The following MATR3 variants were observed in gnomAD, a reference collection of about 807,000 sequenced individuals.
MATR3 encodes the protein matrin-3.
A neutral mutation model predicts 85.5 loss-of-function variants in MATR3; 4 were observed. The observed-to-expected ratio is 0.05, with a 90% CI of 0.02 to 0.11. The LOEUF (loss-of-function observed/expected upper bound fraction) is 0.11, where lower values mean the gene tolerates loss of function less well. Among genes scored for constraint, MATR3 ranks in the 10% least tolerant of loss-of-function variants. The probability of loss-of-function intolerance (pLI) is 1.00; values close to 1 mark genes in which losing one functional copy is unlikely to be tolerated. For synonymous variants in MATR3, 336 were observed against 343.1 expected, an observed-to-expected ratio of 0.98 and a Z score of 0.23; for missense variants, 685 against 1,016.1, an observed-to-expected ratio of 0.67 and a Z score of 4.43.
chr5:139,280,739 A>C (rs898595283), intron 3 of MATR3: 1 of 152,232 alleles, frequency 6.6e-6, no homozygotes, highest in African/African-American at 2.4e-5. Context: ...TTTAAATCTG[A>C]GGCCTCAAGT....
At chr5:139,298,452 A>G (rs188877713) in intron 1 of MATR3, among the ~76,000 whole-genome samples, 212 of 152,282 alleles carry the variant, frequency 1.4e-3, no homozygotes, top group African/African-American at 5.1e-3. Flanking sequence ...CGTTCCTGTA[A>G]TTCCAGCTGT....
At chr5:139,311,950 A>G (rs1755005633) in intron 2 of MATR3, 1 of 151,012 alleles carries the variant, frequency 6.6e-6, no homozygotes, top group Non-Finnish European at 1.5e-5. Flanking sequence ...TTGTATTTTT[A>G]GTAGAGACGG....
At position 139,324,570 on chromosome 5, in the gene MATR3, A is replaced by G. The variant is rs562290885; in HGVS notation, c.2149-870A>G. ...CAGCCTCCCAAAGTGCTGGAATTAC[A>G]GGTGTGAGCCACCATGCCTGGCCCA... On this transcript the variant is annotated intron_variant, in intron 12 of 14. Coordinates refer to ENST00000394805, the MANE Select transcript of MATR3 (RefSeq NM_018834.6). 3.9e-5 allele frequency among the ~76,000 whole-genome samples: 6 copies of G among 152,260 alleles called. No homozygotes were observed. In the South Asian group the frequency reaches 1.2e-3, roughly 32 times the overall value.
At chr5:139,325,720 G>A (rs543130275) in intron 13 of MATR3, 58 bp downstream of exon 13, 4 of 1,464,344 alleles carry the variant, frequency 2.7e-6, no homozygotes, top group South Asian at 1.2e-5. Context: ...AAACTCTTAG[G>A]TTTTAAAATA....
chr5:139,329,919 C>T lies in MATR3; in HGVS notation c.*524C>T, dbSNP rs1285047292. 4.4e-6 allele frequency: 2 copies of T among 454,460 alleles called. No individual in the cohort carries two copies. Among genetic ancestry groups the T allele is most frequent in the South Asian group, 1.6e-5 (1 of 64,464 alleles). 28.2% of individuals were successfully genotyped at this position (454,460 alleles called of 1,614,324 possible). On this transcript the variant is annotated 3_prime_UTR_variant, in exon 15 of 15. Coordinates refer to ENST00000394805, the MANE Select transcript of MATR3 (RefSeq NM_018834.6). ...GAGATTGGCAATTGAAATGCAGGTG[C>T]AGTTTTCTGTTAATGTCATGCTGTT...
Position 139,319,184 on chromosome 5 carries a change from T to C in MATR3, c.1435-150T>C, listed in dbSNP as rs1382438966. The stretch of plus-strand genomic sequence containing the variant: ...TGGGAGGCCAAGGTCAGAAGGATTA[T>C]GTGAGGCCCAGGAGTTCCAGGCAAG... On this transcript the variant is annotated intron_variant, in intron 8 of 14. Transcript: ENST00000394805. 19 of 1,240,994 alleles carry C rather than the reference T, an allele frequency of 1.5e-5. No individual in the cohort carries two copies. The East Asian group carries it at 4.7e-4, about 31-fold the overall frequency. 76.9% of individuals were successfully genotyped at this position (1,240,994 alleles called of 1,614,324 possible).
rs573789149 is a variant in MATR3, at chr5:139,324,207, T to C, written c.2149-1233T>C. ...TCCATAAATGAGGAAAATTGAAATA[T>C]GGAGAAGTTAAATAATCCCATACTG... On this transcript the variant is annotated intron_variant, in intron 12 of 14. Transcript: ENST00000394805. 6.6e-5 allele frequency among the ~76,000 whole-genome samples: 10 copies of C among 151,862 alleles called. No individual in the cohort carries two copies. The South Asian group carries it at 1.9e-3, about 28-fold the overall frequency.
At chr5:139,274,998 C>T (rs969545872) in intron 1 of MATR3, among the ~76,000 whole-genome samples, 6 of 151,148 alleles carry the variant, frequency 4.0e-5, no homozygotes, top group African/African-American at 1.5e-4. Flanking sequence ...TTTTTTTTAA[C>T]GGAGTCTTGC....
chr5:139,318,825 AT>A, intron 7 of MATR3, 82 bp from the exon 8 acceptor site: 1 of 1,337,614 alleles, frequency 7.5e-7, no homozygotes, highest in Admixed American at 1.7e-5. Context: ...GGGCATTGTT[AT>A]TTTTTAGGAA....
chr5:139,321,940 G>A lies in MATR3; in HGVS notation c.1645G>A (p.Val549Ile). The A allele has an allele frequency of 6.2e-7, 1 of 1,613,974 alleles. No individual in the cohort carries two copies. The highest frequency in any genetic ancestry group is 8.5e-7 in the Non-Finnish European group (1 of 1,179,930). The change falls in exon 10 of 15, where the codon GTT becomes ATT. Residue 549 changes from valine to isoleucine, a missense_variant. Transcript: ENST00000394805. The stretch of plus-strand genomic sequence containing the variant: ...GACAAGAGAAGATGCAATGGCAATG[G>A]TTGACCATTGTTTGAAAAAAGCCCT... The part of the protein sequence containing the change: ...METREDAMAM[V>I]DHCLKKALWF...
intron 2 of MATR3, among the ~76,000 whole-genome samples, chr5:139,309,274 T>TA (rs1238434480): frequency 2.6e-5 from 4 of 152,192 alleles, no homozygotes; most frequent in African/African-American, 7.2e-5. Context: ...AGCACCCCAC[T>TA]AGCTTGATCT....
rs1169892880 is a variant in MATR3 at position 139,319,420 on chromosome 5, C to T, written c.1521C>T (p.Gly507=). The T allele has an allele frequency of 6.2e-6, 10 of 1,613,800 alleles. No homozygotes were observed. The highest frequency in any genetic ancestry group is 8.5e-6 in the Non-Finnish European group (10 of 1,179,948). The change falls in exon 9 of 15, where the codon GGC becomes GGT. Residue 507 remains glycine, a synonymous_variant. Coordinates refer to ENST00000394805, the MANE Select transcript of MATR3 (RefSeq NM_018834.6). ...VIHLSNLPHS[G]YSDSAVLKLA... is the part of the protein sequence containing the mutation. ...ATCTCAGCAATTTGCCGCATTCTGG[C>T]TATTCTGATAGTGCTGTTCTCAAGC...
intron 1 of MATR3, among the ~76,000 whole-genome samples, chr5:139,304,885 A>C (rs1008986326): frequency 3.3e-5 from 5 of 152,216 alleles, no homozygotes; most frequent in African/African-American, 1.2e-4. Context: ...TGAGCCTTTA[A>C]AAGTGGCTTG....
intron 2 of MATR3, chr5:139,314,431 T>A: frequency 2.2e-6 from 1 of 456,982 alleles, no homozygotes; most frequent in Non-Finnish European, 4.1e-6. Context: ...CTGTCAAATA[T>A]CTTAAGTATG....
chr5:139,316,640 C>T (rs774014599), intron 5 of MATR3, among the ~76,000 whole-genome samples: 1 of 152,024 alleles, frequency 6.6e-6, no homozygotes, highest in Non-Finnish European at 1.5e-5. Flanking sequence ...CCCTGCCTCC[C>T]GGGTTAAAGC....
chr5:139,320,672 T>G (rs1271667104), intron 9 of MATR3, among the ~76,000 whole-genome samples: 1 of 152,096 alleles, frequency 6.6e-6, no homozygotes, highest in Non-Finnish European at 1.5e-5. Context: ...CTTCTGTAAT[T>G]CAGCATTGCA....
At chr5:139,281,599 C>T (rs762301592) in intron 3 of MATR3, among the ~76,000 whole-genome samples, 8 of 151,692 alleles carry the variant, frequency 5.3e-5, no homozygotes, top group South Asian at 2.1e-4. Flanking sequence ...GTGATCCACC[C>T]GCCTCAGCCT....
In MATR3 at chr5:139,325,573, A is replaced by G. The variant is rs758675030; in HGVS notation, c.2282A>G (p.Asn761Ser). Reference sequence around the variant, plus strand: ...GATCCCAACAAAGATACAAGTGAAAACGCAGATGGTCAAAGTGATGAGAAC... The same window carrying G: ...GATCCCAACAAAGATACAAGTGAAAGCGCAGATGGTCAAAGTGATGAGAAC... The part of the protein sequence containing the change: ...ADDPNKDTSE[N>S]ADGQSDENKD... Residue 761 changes from asparagine to serine, a missense_variant, in exon 13 of 15, where the codon AAC (asparagine) becomes AGC (serine). Asn to Ser is a conservative substitution (Grantham distance 46, BLOSUM62 1). Transcript: ENST00000394805. The G allele has an allele frequency of 1.9e-5, 30 of 1,614,078 alleles. No homozygotes were observed. Among genetic ancestry groups the G allele is most frequent in the Non-Finnish European group, 2.5e-6 (3 of 1,180,042 alleles).
intron 3 of MATR3, chr5:139,282,720 T>C (rs1753574326): frequency 6.6e-6 from 1 of 152,254 alleles, no homozygotes; most frequent in South Asian, 2.1e-4. Context: ...TTTTATGTAA[T>C]GTCTTTTGTC....
Sources: allele counts gnomAD v4.1 joint callset (sites outside exome capture counted in the v4.1 genomes callset), GRCh38; gene constraint gnomAD v4.1.1; transcripts MANE v1.5; gene names NCBI Gene and HGNC (gene_info 2026-07-23, HGNC 2026-07-21).